Variants in SYNPO2 observed in about 807,000 individuals in gnomAD.
SYNPO2 encodes the protein synaptopodin 2.
SYNPO2 carries 56 observed loss-of-function variants against 85.0 expected under a neutral mutation model. The observed-to-expected ratio is 0.66, with a 90% confidence interval of 0.53 to 0.82. The LOEUF (loss-of-function observed/expected upper bound fraction) is 0.82, where lower values mean the gene tolerates loss of function less well. Among genes scored for constraint, SYNPO2 ranks in the 40% least tolerant of loss-of-function variants. The pLI is 0.00. For missense variants in SYNPO2, 1,575 were observed against 1,534.2 expected (o/e 1.03, Z -0.44); for synonymous variants, 602 against 591.1 (o/e 1.02, Z -0.27).
chr4:118,902,852 T>G (rs1288880845), intron 1 of SYNPO2, among the ~76,000 whole-genome samples: 2 of 152,190 alleles, frequency 1.3e-5, no homozygotes, highest in African/African-American at 4.8e-5. Flanking sequence ...AAATTATTAT[T>G]ACCATGTTTA....
chr4:119,007,766 A>G (rs1181923927), intron 1 of SYNPO2, among the ~76,000 whole-genome samples: 1 of 152,126 alleles, frequency 6.6e-6, no homozygotes, highest in African/African-American at 2.4e-5. Context: ...ATGTTTTTTT[A>G]ACCACTGATA....
chr4:118,934,057 C>T (rs143996484), intron 1 of SYNPO2, among the ~76,000 whole-genome samples: 32 of 152,136 alleles, frequency 2.1e-4, no homozygotes, highest in East Asian at 1.9e-3. Flanking sequence ...TCAGTTTTAG[C>T]GAGATCTCTT....
chr4:119,017,477 T>G (rs1005096864), intron 1 of SYNPO2, among the ~76,000 whole-genome samples: 1 of 151,790 alleles, frequency 6.6e-6, no homozygotes, highest in Non-Finnish European at 1.5e-5. Flanking sequence ...ATGCCTGAAG[T>G]GGAAAATTGA....
intron 4 of SYNPO2, among the ~76,000 whole-genome samples, chr4:119,052,574 G>C (rs967592368): frequency 6.6e-6 from 1 of 152,102 alleles, no homozygotes; most frequent in Non-Finnish European, 1.5e-5. Context: ...CAACCCCAGG[G>C]GGCCAGAAGG....
intron 1 of SYNPO2, among the ~76,000 whole-genome samples, chr4:118,976,076 T>G (rs1050015834): frequency 6.6e-6 from 1 of 152,242 alleles, no homozygotes; most frequent in Non-Finnish European, 1.5e-5. Context: ...AGTGACTTTG[T>G]GTCCAGAATT....
chr4:119,016,770 A>C (rs1190472884), intron 1 of SYNPO2, among the ~76,000 whole-genome samples: 1 of 152,178 alleles, frequency 6.6e-6, no homozygotes, highest in Non-Finnish European at 1.5e-5. Flanking sequence ...CCATATTTGT[A>C]CTTAGTTTTC....
intron 1 of SYNPO2, among the ~76,000 whole-genome samples, chr4:118,945,891 G>A (rs1055288016): frequency 3.9e-5 from 6 of 151,960 alleles, no homozygotes; most frequent in African/African-American, 7.3e-5. Context: ...GACTGCAGGC[G>A]CGCACCACCA....
At chr4:118,864,161 T>A (rs1191469603) in intron 1 of SYNPO2, among the ~76,000 whole-genome samples, 1 of 152,222 alleles carries the variant, frequency 6.6e-6, no homozygotes, top group African/African-American at 2.4e-5. Flanking sequence ...ACTTCCATTA[T>A]TATTTGTTTC....
chr4:119,012,576 G>A (rs1308679378), intron 1 of SYNPO2, among the ~76,000 whole-genome samples: 2 of 151,972 alleles, frequency 1.3e-5, no homozygotes, highest in East Asian at 3.9e-4. Flanking sequence ...AGGTTCCGGT[G>A]TGTGATGTTT....
intron 1 of SYNPO2, among the ~76,000 whole-genome samples, chr4:119,014,745 C>G (rs1737462581): frequency 6.6e-6 from 1 of 152,130 alleles, no homozygotes; most frequent in African/African-American, 2.4e-5. Flanking sequence ...AAATGAAATT[C>G]CAGTTAATTA....
At chr4:119,033,392 C>A (rs1198234918) in intron 4 of SYNPO2, 8 of 985,270 alleles carry the variant, frequency 8.1e-6, no homozygotes, top group Non-Finnish European at 9.6e-6. Flanking sequence ...TGGCCACACA[C>A]CATGTTGTCA....
At chr4:118,874,031 T>G (rs1731853088) in intron 1 of SYNPO2, among the ~76,000 whole-genome samples, 1 of 152,192 alleles carries the variant, frequency 6.6e-6, no homozygotes, top group African/African-American at 2.4e-5. Flanking sequence ...GCTATAAATA[T>G]GTAGTTTTAT....
At chr4:118,882,954 G>A (rs1732133664) in intron 1 of SYNPO2, among the ~76,000 whole-genome samples, 1 of 151,868 alleles carries the variant, frequency 6.6e-6, no homozygotes, top group Non-Finnish European at 1.5e-5. Context: ...AGTGAGACGG[G>A]GTTTCACTAT....
intron 1 of SYNPO2, among the ~76,000 whole-genome samples, chr4:118,854,808 A>G (rs1578500645): frequency 6.6e-6 from 1 of 152,188 alleles, no homozygotes; most frequent in Non-Finnish European, 1.5e-5. Context: ...CTTTGTACAT[A>G]CACACAGAGT....
chr4:118,996,610 C>A lies in SYNPO2; in HGVS notation c.106-26820C>A, dbSNP rs1417439963. ...CAGGTGCTCACGCCCGTAATCCCAGCACTTTGGGAGGCCAGTGGGGGTGGA... is the reference window on the plus strand; with the variant it reads ...CAGGTGCTCACGCCCGTAATCCCAGAACTTTGGGAGGCCAGTGGGGGTGGA... On this transcript the variant is annotated intron_variant, in intron 1 of 4. Transcript: ENST00000307142. Among the ~76,000 whole-genome samples, 3 of 152,138 alleles carry A rather than the reference C, an allele frequency of 2.0e-5. No homozygotes were observed. In the East Asian group the frequency reaches 5.8e-4, roughly 29 times the overall value.
At chr4:118,944,508 C>T (rs192459084) in intron 1 of SYNPO2, among the ~76,000 whole-genome samples, 1 of 152,172 alleles carries the variant, frequency 6.6e-6, no homozygotes, top group East Asian at 1.9e-4. Context: ...CAAATAGCAA[C>T]AAATATCAGC....
chr4:118,924,217 A>G (rs906262713), intron 1 of SYNPO2, among the ~76,000 whole-genome samples: 1 of 152,210 alleles, frequency 6.6e-6, no homozygotes, highest in Non-Finnish European at 1.5e-5. Flanking sequence ...TGTTACAGGT[A>G]TATCCTTATT....
chr4:118,955,245 C>T lies in SYNPO2; in HGVS notation c.105+66104C>T, dbSNP rs548913983. ...AAACTCCTGGCCTCAAGTAATCCACCCTCCTGGGCCTCCCAAAGTGCTGGG... is the reference window on the plus strand; with the variant it reads ...AAACTCCTGGCCTCAAGTAATCCACTCTCCTGGGCCTCCCAAAGTGCTGGG... On this transcript the variant is annotated intron_variant, in intron 1 of 4. Transcript: ENST00000307142. Among the ~76,000 whole-genome samples, 3 of 152,234 alleles carry T rather than the reference C, an allele frequency of 2.0e-5. No homozygotes were observed. The South Asian group carries it at 6.2e-4, about 32-fold the overall frequency.
chr4:119,034,287 A>G, intron 4 of SYNPO2: 2 of 985,246 alleles, frequency 2.0e-6, no homozygotes, highest in South Asian at 4.7e-5. Flanking sequence ...AAGACATGGA[A>G]CACACAGGTA....
Sources: gnomAD v4.1 joint callset for allele counts (sites outside exome capture counted in the v4.1 genomes callset) on GRCh38, gnomAD v4.1.1 for gene constraint, MANE v1.5 for transcripts, NCBI Gene and HGNC (gene_info 2026-07-23, HGNC 2026-07-21) for gene names.